The following CLNS1A variants were observed in gnomAD, a reference collection of about 807,000 sequenced individuals.
The protein encoded by CLNS1A is chloride nucleotide-sensitive channel 1A, also known as methylosome subunit pICln.
A neutral mutation model predicts 29.4 loss-of-function variants in CLNS1A; 16 were observed. The ratio of observed to expected loss-of-function variants is 0.54; its 90% CI spans 0.37 to 0.83. The LOEUF is 0.83. Among genes scored for constraint, CLNS1A ranks in the 40% least tolerant of loss-of-function variants. The pLI is 0.00. For synonymous variants in CLNS1A, 96 were observed against 104.8 expected (o/e 0.92, Z 0.51); for missense variants, 235 against 287.4 (o/e 0.82, Z 1.32).
chr11:77,622,470 T>G, intron 5 of CLNS1A, 30 bp downstream of exon 5: 1 of 1,533,788 alleles, frequency 6.5e-7, no homozygotes, highest in Admixed American at 2.1e-5. Flanking sequence ...AGTGCTCATC[T>G]GACTGTTCAC....
rs1284777048 is a variant in CLNS1A, at chr11:77,625,816, C to T, written c.265G>A (p.Glu89Lys). The T allele has an allele frequency of 6.4e-7, 1 of 1,564,930 alleles. No individual in the cohort carries two copies. Among genetic ancestry groups the T allele is most frequent in the Non-Finnish European group, 8.8e-7 (1 of 1,137,940 alleles). The change falls in exon 3 of 7, where the codon GAA (glutamate) becomes AAA (lysine). Residue 89 changes from glutamate (E) to lysine (K), a missense_variant and splice_region_variant. Physicochemically the swap from Glu to Lys is moderately conservative, Grantham distance 56. Transcript: ENST00000525428. ...YVMVNAKFEEESKEPVADEEE... is the reference protein window; with the variant it reads ...YVMVNAKFEEKSKEPVADEEE... The stretch of plus-strand genomic sequence containing the variant: ...TCATCAGCAACAGGTTCTTTTGATT[C>T]TTCTAGAAAATAAAATACCCTTTTA...
At chr11:77,625,374 C>T (rs762618847) in intron 3 of CLNS1A, 3 of 448,310 alleles carry the variant, frequency 6.7e-6, no homozygotes, top group Non-Finnish European at 1.2e-5. Flanking sequence ...GGGCTCTTTC[C>T]AGCCATCCTG....
intron 1 of CLNS1A, among the ~76,000 whole-genome samples, chr11:77,635,608 C>T (rs1179864857): frequency 6.6e-6 from 1 of 152,114 alleles, no homozygotes; most frequent in Non-Finnish European, 1.5e-5. Flanking sequence ...GCCTCAGCCT[C>T]CCAAAGTGCT....
At chr11:77,623,149 C>G (rs929778326) in intron 4 of CLNS1A, among the ~76,000 whole-genome samples, 1 of 151,912 alleles carries the variant, frequency 6.6e-6, no homozygotes, top group Non-Finnish European at 1.5e-5. Flanking sequence ...AATCCCAAGT[C>G]CAGGGACTAG....
Position 77,619,579 on chromosome 11 carries a change from C to T in CLNS1A, c.*22+27G>A, listed in dbSNP as rs763301359. The T allele has an allele frequency of 4.4e-5, 58 of 1,330,996 alleles. 1 individual carries two copies. In the Admixed American group the frequency reaches 4.7e-4, roughly 11 times the overall value. The allele number at this position is 1,330,996 out of a possible 1,614,324, so 82.4% of individuals were successfully genotyped here. A position where few individuals can be genotyped will look rare whatever the true frequency, so the allele number is the denominator to read the frequency against. ...CATTTCATATGATTTTCATGATCAGCGACAAGGGAGAAAATGAACTACTCA... is the reference window on the plus strand; with the variant it reads ...CATTTCATATGATTTTCATGATCAGTGACAAGGGAGAAAATGAACTACTCA... On this transcript the variant is annotated intron_variant, in intron 6 of 6. Transcript: ENST00000525428.
chr11:77,636,592 C>T (rs551095445), intron 1 of CLNS1A, among the ~76,000 whole-genome samples: 91 of 152,302 alleles, frequency 6.0e-4, no homozygotes, highest in African/African-American at 2.0e-3. Flanking sequence ...ACGACCTTCA[C>T]TTTCTGGTGT....
At chr11:77,619,412 G>C (rs1958934961) in intron 6 of CLNS1A, 194 bp downstream of exon 6, 1 of 543,356 alleles carries the variant, frequency 1.8e-6, no homozygotes, top group Non-Finnish European at 3.3e-6. Flanking sequence ...TGTGCCTATA[G>C]TCCCAGCTAT....
intron 2 of CLNS1A, among the ~76,000 whole-genome samples, 156 bp from the exon 3 acceptor site, chr11:77,625,974 T>A (rs1247917346): frequency 6.6e-6 from 1 of 152,184 alleles, no homozygotes; most frequent in Non-Finnish European, 1.5e-5. Context: ...ACAGTGAGCA[T>A]CCTAGAAAAG....
At chr11:77,626,695 C>A (rs1959023177) in intron 2 of CLNS1A, among the ~76,000 whole-genome samples, 1 of 135,182 alleles carries the variant, frequency 7.4e-6, no homozygotes, top group Admixed American at 7.3e-5. Flanking sequence ...TCCTGATGGT[C>A]ATTTTTTTTT....
chr11:77,624,327 A>C (rs931545032), intron 4 of CLNS1A, among the ~76,000 whole-genome samples: 1 of 151,964 alleles, frequency 6.6e-6, no homozygotes. Flanking sequence ...GTAGAGAGAG[A>C]AGCTTGTTCT....
In CLNS1A at chr11:77,637,753, G is replaced by C; in HGVS notation, c.-39C>G. On this transcript the variant is annotated 5_prime_UTR_variant, in exon 1 of 7. Transcript: ENST00000525428. ...GGCAACACAGGCCCTGAGGGAGTTG[G>C]AGCACAGCAATGCGTGCACCACACC... The C allele has an allele frequency of 1.3e-6, 2 of 1,540,462 alleles. No homozygotes were observed. The highest frequency in any genetic ancestry group is 2.5e-5 in the East Asian group (1 of 40,650).
Position 77,620,769 on chromosome 11 carries a change from G to A in CLNS1A, c.647-1074C>T, listed in dbSNP as rs997659359. Among the ~76,000 whole-genome samples the A allele has an allele frequency of 2.6e-5, 4 of 152,132 alleles. No individual in the cohort carries two copies. The East Asian group carries it at 7.7e-4, about 29-fold the overall frequency. On this transcript the variant is annotated intron_variant, in intron 5 of 6. Coordinates refer to ENST00000525428, the MANE Select transcript of CLNS1A (RefSeq NM_001293.3). ...GGCCAAGGCAGGCAGATCACCTGAG[G>A]TCAGGAGTTAGAGACCAGCCTGGCC...
chr11:77,635,358 T>TC (rs932486347), intron 1 of CLNS1A, among the ~76,000 whole-genome samples: 2 of 150,098 alleles, frequency 1.3e-5, no homozygotes, highest in African/African-American at 2.4e-5. Flanking sequence ...AATTTTTCTT[T>TC]TTTTTTTTTT....
intron 2 of CLNS1A, among the ~76,000 whole-genome samples, chr11:77,627,852 G>A (rs889380566): frequency 4.6e-5 from 7 of 151,948 alleles, no homozygotes; most frequent in East Asian, 1.9e-4. Context: ...TTCTTCGACC[G>A]TTTTGCTCTG....
intron 4 of CLNS1A, among the ~76,000 whole-genome samples, chr11:77,622,949 GAAA>G (rs35752186): frequency 9.5e-6 from 1 of 105,812 alleles, no homozygotes. Context: ...CCTTGTCTTG[GAAA>G]AAAAAAAAAA....
At chr11:77,626,896 C>T (rs543702614) in intron 2 of CLNS1A, among the ~76,000 whole-genome samples, 26 of 150,134 alleles carry the variant, frequency 1.7e-4, no homozygotes, top group African/African-American at 2.2e-4. Context: ...GGGGTTTCAC[C>T]GTGTTAGCCA....
At chr11:77,626,372 G>A (rs1959019532) in intron 2 of CLNS1A, among the ~76,000 whole-genome samples, 1 of 152,164 alleles carries the variant, frequency 6.6e-6, no homozygotes, top group Non-Finnish European at 1.5e-5. Context: ...TGGGCACGGT[G>A]GCTCACGCCT....
Position 77,637,625 on chromosome 11 carries a change from C to A in CLNS1A, c.90G>T (p.Lys30Asn). 6.3e-7 allele frequency: 1 copy of A among 1,595,326 alleles called. No individual in the cohort carries two copies. Among genetic ancestry groups the A allele is most frequent in the Non-Finnish European group, 8.5e-7 (1 of 1,171,422 alleles). ...QPDTEAVLNGKGLGTGTLYIA... is the reference protein window; with the variant it reads ...QPDTEAVLNGNGLGTGTLYIA... The stretch of plus-strand genomic sequence containing the variant: ...TGTAAAGGGTACCAGTGCCGAGGCC[C>A]TTCCCGTTCAGCACAGCCTCAGTGT... Residue 30 changes from lysine (K) to asparagine (N), a missense_variant, in exon 1 of 7, where the codon AAG (lysine) becomes AAT (asparagine). By Grantham distance (94) the Lys-to-Asn change is moderately conservative. Transcript: ENST00000525428.
intron 5 of CLNS1A, among the ~76,000 whole-genome samples, chr11:77,621,631 G>GA (rs1027662588): frequency 6.6e-6 from 1 of 152,162 alleles, no homozygotes; most frequent in African/African-American, 2.4e-5. Context: ...CAACAAGAGC[G>GA]AAACTCCATC....
Sources: allele counts gnomAD v4.1 joint callset (sites outside exome capture counted in the v4.1 genomes callset), GRCh38; gene constraint gnomAD v4.1.1; transcripts MANE v1.5; gene names NCBI Gene and HGNC (gene_info 2026-07-23, HGNC 2026-07-21).